Variants in SCN1A observed in about 807,000 individuals in gnomAD.
The protein encoded by SCN1A is sodium voltage-gated channel alpha subunit 1.
A neutral mutation model predicts 193.7 loss-of-function variants in SCN1A; 13 were observed. The observed-to-expected ratio is 0.07, with a 90% CI of 0.04 to 0.11. The LOEUF is 0.11. SCN1A is among the 10% of genes least tolerant of loss of function. The pLI is 1.00. For synonymous variants in SCN1A, 781 were observed against 843.6 expected, an observed-to-expected ratio of 0.93 and a Z score of 1.29; for missense variants, 1,432 against 2,451.1, an observed-to-expected ratio of 0.58 and a Z score of 8.78.
intron 2 of SCN1A, among the ~76,000 whole-genome samples, chr2:166,118,144 A>AAG (rs971680861): frequency 6.9e-4 from 102 of 148,306 alleles, no homozygotes; most frequent in Admixed American, 1.4e-3. Context: ...TGAAAAAAAA[A>AAG]AGAGAGAGAG....
chr2:166,140,302 AG>A (rs1692028176), intron 1 of SCN1A, among the ~76,000 whole-genome samples: 1 of 152,208 alleles, frequency 6.6e-6, no homozygotes, highest in Non-Finnish European at 1.5e-5. Context: ...AGAAGACAAT[AG>A]TCTTTCTTTA....
chr2:166,083,917 G>A (rs144674536), intron 2 of SCN1A, among the ~76,000 whole-genome samples: 4 of 152,266 alleles, frequency 2.6e-5, no homozygotes, highest in African/African-American at 9.6e-5. Context: ...TTGTGTGGGT[G>A]AGTGGTCACT....
chr2:166,082,148 T>C (rs1323122486), intron 2 of SCN1A, among the ~76,000 whole-genome samples: 1 of 151,952 alleles, frequency 6.6e-6, no homozygotes, highest in African/African-American at 2.4e-5. Context: ...AACCAATAAA[T>C]GGCAAAGATT....
intron 26 of SCN1A, 111 bp downstream of exon 26, chr2:165,997,927 A>G: frequency 3.7e-6 from 3 of 812,070 alleles, no homozygotes; most frequent in Non-Finnish European, 6.2e-6. Context: ...AAAATCAGTT[A>G]TAATATATAC....
At chr2:166,068,589 A>G (rs998728809) in intron 4 of SCN1A, among the ~76,000 whole-genome samples, 7 of 152,178 alleles carry the variant, frequency 4.6e-5, no homozygotes, top group African/African-American at 1.4e-4. Context: ...TTACTTTTGC[A>G]AGAAAAACTC....
At chr2:166,132,916 GTAATA>G (rs2106289457), upstream of SCN1A, among the ~76,000 whole-genome samples, 1 of 151,496 alleles carries the variant, frequency 6.6e-6, no homozygotes, top group African/African-American at 2.4e-5. Flanking sequence ...TAAATCACTT[GTAATA>G]TAATGAACAT....
intron 3 of SCN1A, among the ~76,000 whole-genome samples, chr2:166,074,719 A>C (rs1170059218): frequency 6.6e-6 from 1 of 152,164 alleles, no homozygotes; most frequent in Non-Finnish European, 1.5e-5. Flanking sequence ...CATGAATTTT[A>C]TTTGGAGACT....
chr2:166,020,479 T>C (rs1453745792), intron 19 of SCN1A, among the ~76,000 whole-genome samples: 4 of 152,230 alleles, frequency 2.6e-5, no homozygotes, highest in Admixed American at 2.6e-4. Flanking sequence ...CTAGGATATC[T>C]GCACATTTCT....
chr2:166,132,421 T>C (rs1387536897), upstream of SCN1A, among the ~76,000 whole-genome samples: 1 of 151,694 alleles, frequency 6.6e-6, no homozygotes, highest in Non-Finnish European at 1.5e-5. Flanking sequence ...TGCAAAAATC[T>C]ACTACCAATT....
chr2:166,092,009 C>T (rs185698713), intron 2 of SCN1A, among the ~76,000 whole-genome samples: 2 of 152,224 alleles, frequency 1.3e-5, no homozygotes, highest in East Asian at 1.9e-4. Flanking sequence ...ACTAAGGAAA[C>T]TAAAACATGT....
intron 16 of SCN1A, 155 bp downstream of exon 16, chr2:166,041,076 A>G (rs1697105560): frequency 3.0e-6 from 2 of 655,956 alleles, no homozygotes; most frequent in South Asian, 3.6e-5. Flanking sequence ...TTTTTGGCAA[A>G]AAAGTAGAGT....
intron 8 of SCN1A, 114 bp from the exon 9 acceptor site, chr2:166,052,102 C>T (rs529940759): frequency 1.6e-4 from 153 of 930,908 alleles, no homozygotes; most frequent in Non-Finnish European, 2.2e-4. Flanking sequence ...ATGTTTGCAA[C>T]GCTAGTGGAG....
intron 2 of SCN1A, among the ~76,000 whole-genome samples, chr2:166,084,164 C>A (rs1042864455): frequency 6.6e-6 from 1 of 151,940 alleles, no homozygotes; most frequent in East Asian, 1.9e-4. Flanking sequence ...TATTCATCTT[C>A]CCCTTTCTCG....
In SCN1A at chr2:166,104,107, G is replaced by A. The variant is rs141993604; in HGVS notation, c.-142+22817C>T. ...TAAATTTAGTTAGTTAATTTTATTG[G>A]TGGTATATAGAGATAGTAGGAAAAA... On this transcript the variant is annotated intron_variant, in intron 2 of 28. Coordinates refer to ENST00000674923, the MANE Select transcript of SCN1A (RefSeq NM_001165963.4). The A allele has an allele frequency of 3.0e-4, 46 of 152,244 alleles. No homozygotes were observed. In the East Asian group the frequency reaches 3.7e-3, roughly 12 times the overall value. The allele number at this position is 152,244 out of a possible 1,614,324, so 9.4% of individuals were successfully genotyped here.
intron 11 of SCN1A, 117 bp downstream of exon 11, chr2:166,047,510 G>C: frequency 8.8e-7 from 1 of 1,141,786 alleles, no homozygotes; most frequent in Non-Finnish European, 1.3e-6. Flanking sequence ...AGGAACTCAA[G>C]TCTCGTTTCA....
At chr2:165,985,570 G>C (rs1343367072), downstream of SCN1A, 2 of 152,044 alleles carry the variant, frequency 1.3e-5, no homozygotes, top group African/African-American at 4.8e-5. Context: ...CAAATATGAG[G>C]AGTGTTCTAA....
intron 23 of SCN1A, among the ~76,000 whole-genome samples, chr2:166,006,910 A>C (rs1242575015): frequency 6.6e-6 from 1 of 151,238 alleles, no homozygotes; most frequent in African/African-American, 2.4e-5. Flanking sequence ...TAATCATTCT[A>C]CACCAGGGTC....
rs140461403 is a variant in SCN1A at position 165,989,028 on chromosome 2, C to CTGTGTGTGTGTG, written c.*2205_*2216dup. On this transcript the variant is annotated 3_prime_UTR_variant, in exon 29 of 29. Coordinates refer to ENST00000674923, the MANE Select transcript of SCN1A (RefSeq NM_001165963.4). The stretch of plus-strand genomic sequence containing the variant: ...TTTTGTTGTCAACGTGGGTATGCCT[C>CTGTGTGTGTGTG]TGTGTGTGTGTGTGTGTGTGTGTGT... 21 of 103,930 alleles carry CTGTGTGTGTGTG rather than the reference C, an allele frequency of 2.0e-4. No homozygotes were observed. The highest frequency in any genetic ancestry group is 6.8e-4 in the African/African-American group (21 of 30,924). 6.4% of individuals were successfully genotyped at this position (103,930 alleles called of 1,614,324 possible).
At chr2:166,094,340 G>A (rs1292289575) in intron 2 of SCN1A, among the ~76,000 whole-genome samples, 2 of 152,144 alleles carry the variant, frequency 1.3e-5, no homozygotes, top group Admixed American at 6.5e-5. Flanking sequence ...CCTTTTAAAT[G>A]ATCAATTTAG....
Sources: gnomAD v4.1 joint callset for allele counts (sites outside exome capture counted in the v4.1 genomes callset) on GRCh38, gnomAD v4.1.1 for gene constraint, MANE v1.5 for transcripts, NCBI Gene and HGNC (gene_info 2026-07-23, HGNC 2026-07-21) for gene names.